DLGAP1: variants seen among roughly 807,000 people sequenced by gnomAD.
DLGAP1 encodes disks large-associated protein 1.
Under a neutral mutation model 90.8 loss-of-function variants are expected in DLGAP1, and 11 were observed. The observed-to-expected ratio is 0.12, with a 90% confidence interval of 0.08 to 0.20. The LOEUF is 0.20. DLGAP1 is among the 10% of genes least tolerant of loss of function. The pLI is 1.00. For synonymous variants in DLGAP1, 558 were observed against 540.7 expected, an observed-to-expected ratio of 1.03 and a Z score of -0.44; for missense variants, 1,050 against 1,333.8, an observed-to-expected ratio of 0.79 and a Z score of 3.31.
At chr18:4,133,640 A>T (rs1430761175) in intron 2 of DLGAP1, among the ~76,000 whole-genome samples, 2 of 152,186 alleles carry the variant, frequency 1.3e-5, no homozygotes, top group Non-Finnish European at 2.9e-5. Flanking sequence ...CAGACTCTCT[A>T]GAGATCAATT....
At chr18:3,611,825 T>C (rs1275417601) in intron 7 of DLGAP1, among the ~76,000 whole-genome samples, 1 of 152,238 alleles carries the variant, frequency 6.6e-6, no homozygotes, top group East Asian at 1.9e-4. Context: ...GCACTAATTA[T>C]TTCCAGCTGG....
intron 5 of DLGAP1, among the ~76,000 whole-genome samples, chr18:3,757,316 G>T (rs2063757528): frequency 6.6e-6 from 1 of 152,198 alleles, no homozygotes. Context: ...GCTTGAGTCA[G>T]GAGAATCGCT....
intron 10 of DLGAP1, among the ~76,000 whole-genome samples, chr18:3,518,016 A>G (rs1243940255): frequency 2.0e-5 from 3 of 152,152 alleles, no homozygotes; most frequent in African/African-American, 7.2e-5. Flanking sequence ...TTTCCTTTGT[A>G]TTCACAACTT....
intron 2 of DLGAP1, among the ~76,000 whole-genome samples, chr18:4,012,943 G>C (rs972010708): frequency 6.6e-6 from 1 of 152,120 alleles, no homozygotes; most frequent in Non-Finnish European, 1.5e-5. Flanking sequence ...GAGCTCAAGC[G>C]ATCCTCCTGC....
chr18:4,188,971 T>C (rs2077347935), intron 1 of DLGAP1, among the ~76,000 whole-genome samples: 1 of 152,216 alleles, frequency 6.6e-6, no homozygotes, highest in African/African-American at 2.4e-5. Flanking sequence ...ATCAATGTTT[T>C]ATTATTTTGT....
intron 9 of DLGAP1, among the ~76,000 whole-genome samples, chr18:3,548,712 G>A (rs2053203722): frequency 6.6e-6 from 1 of 152,110 alleles, no homozygotes; most frequent in South Asian, 2.1e-4. Flanking sequence ...CAGTAACAAG[G>A]CAAGGATGTC....
At chr18:3,610,205 C>T (rs145964577) in intron 7 of DLGAP1, among the ~76,000 whole-genome samples, 150 of 152,258 alleles carry the variant, frequency 9.9e-4, no homozygotes, top group African/African-American at 3.4e-3. Context: ...TTTGAGATGG[C>T]TGTTCAGAGG....
At chr18:3,813,749 C>T (rs2066954105) in intron 5 of DLGAP1, among the ~76,000 whole-genome samples, 1 of 151,890 alleles carries the variant, frequency 6.6e-6, no homozygotes, top group Non-Finnish European at 1.5e-5. Context: ...TCTCATTGAC[C>T]AGAAATTTCA....
At chr18:3,692,358 T>C (rs1331789148) in intron 7 of DLGAP1, among the ~76,000 whole-genome samples, 1 of 152,200 alleles carries the variant, frequency 6.6e-6, no homozygotes, top group Non-Finnish European at 1.5e-5. Context: ...CCAAGGCATA[T>C]TATGAGTCAA....
chr18:3,948,093 G>A (rs1292640575), intron 3 of DLGAP1, among the ~76,000 whole-genome samples: 1 of 152,144 alleles, frequency 6.6e-6, no homozygotes, highest in Non-Finnish European at 1.5e-5. Context: ...AATCTGCTGG[G>A]GCTTCGTTAG....
chr18:4,442,545 T>A (rs1003934787), intron 1 of DLGAP1, among the ~76,000 whole-genome samples: 3 of 152,190 alleles, frequency 2.0e-5, no homozygotes, highest in African/African-American at 4.8e-5. Flanking sequence ...GTTACATAGA[T>A]GTGTAGAGTA....
chr18:4,109,813 T>C (rs1270898285), intron 2 of DLGAP1, among the ~76,000 whole-genome samples: 6 of 152,154 alleles, frequency 3.9e-5, no homozygotes, highest in African/African-American at 1.4e-4. Flanking sequence ...CTTCTTTACG[T>C]CTTTCTTGCT....
intron 3 of DLGAP1, among the ~76,000 whole-genome samples, chr18:3,893,330 G>T (rs1014286483): frequency 6.6e-6 from 1 of 151,838 alleles, no homozygotes; most frequent in African/African-American, 2.4e-5. Context: ...TAATTCCAGC[G>T]CTTTGGGAGG....
At chr18:4,038,335 T>C (rs1457682897) in intron 2 of DLGAP1, among the ~76,000 whole-genome samples, 3 of 152,166 alleles carry the variant, frequency 2.0e-5, no homozygotes, top group Admixed American at 2.0e-4. Context: ...TGCATTCAGA[T>C]AAACACACAC....
intron 1 of DLGAP1, among the ~76,000 whole-genome samples, chr18:4,281,830 G>C (rs1271274624): frequency 6.6e-6 from 1 of 151,978 alleles, no homozygotes. Flanking sequence ...TGCATAAGAT[G>C]TACACATATT....
chr18:3,648,921 G>C (rs1366541190), intron 7 of DLGAP1, among the ~76,000 whole-genome samples: 1 of 152,180 alleles, frequency 6.6e-6, no homozygotes, highest in East Asian at 1.9e-4. Flanking sequence ...ATGGTGCTTG[G>C]GATGCACACT....
chr18:4,317,371 C>CA (rs1284708924), intron 1 of DLGAP1, among the ~76,000 whole-genome samples: 1 of 152,160 alleles, frequency 6.6e-6, no homozygotes, highest in Non-Finnish European at 1.5e-5. Context: ...ACGCTAGTAC[C>CA]ACCTGACAGG....
chr18:4,333,964 T>G (rs2081011539), intron 1 of DLGAP1, among the ~76,000 whole-genome samples: 1 of 149,220 alleles, frequency 6.7e-6, no homozygotes, highest in Non-Finnish European at 1.5e-5. Context: ...TCAGGCCAGG[T>G]GCGGTGGCTC....
intron 8 of DLGAP1, among the ~76,000 whole-genome samples, chr18:3,579,656 TAGA>T (rs1283092953): frequency 1.3e-5 from 2 of 152,202 alleles, no homozygotes; most frequent in Non-Finnish European, 2.9e-5. Flanking sequence ...TCTTCTTTGA[TAGA>T]AGAACACTTT....
Sources: gnomAD v4.1 joint callset for allele counts (sites outside exome capture counted in the v4.1 genomes callset) on GRCh38, gnomAD v4.1.1 for gene constraint, MANE v1.5 for transcripts, NCBI Gene and HGNC (gene_info 2026-07-23, HGNC 2026-07-21) for gene names.